The following TENM3 variants were observed in gnomAD, a reference collection of about 807,000 sequenced individuals.
TENM3 encodes the protein teneurin transmembrane protein 3, also known as teneurin-3.
Under a neutral mutation model 255.1 loss-of-function variants are expected in TENM3, and 63 were observed. The observed-to-expected ratio is 0.25, with a 90% CI of 0.20 to 0.30. The LOEUF is 0.30. TENM3 is among the 10% of genes least tolerant of loss of function. The probability of loss-of-function intolerance (pLI) is 1.00; values close to 1 mark genes in which losing one functional copy is unlikely to be tolerated. For synonymous variants in TENM3, 1,306 were observed against 1,322.3 expected (o/e 0.99, Z 0.27); for missense variants, 2,929 against 3,461.1 (o/e 0.85, Z 3.86).
At chr4:181,782,628 T>C in the TENM3 span, among the ~76,000 whole-genome samples, 1 of 152,202 alleles carries the variant, frequency 6.6e-6, no homozygotes, top group African/African-American at 2.4e-5. Flanking sequence ...CCTTCAGTTC[T>C]TCTCTGATCT....
the TENM3 span, among the ~76,000 whole-genome samples, chr4:181,966,405 C>G: frequency 6.6e-6 from 1 of 152,188 alleles, no homozygotes; most frequent in African/African-American, 2.4e-5. Flanking sequence ...TCTCCAAGCT[C>G]TCTGCAGATT....
intron 3 of TENM3, among the ~76,000 whole-genome samples, chr4:182,470,190 T>C (rs1161507837): frequency 2.0e-5 from 3 of 152,206 alleles, no homozygotes; most frequent in Non-Finnish European, 2.9e-5. Context: ...ATTTATTAAC[T>C]AGTGAAAATA....
chr4:182,028,258 T>C, the TENM3 span, among the ~76,000 whole-genome samples: 10 of 152,152 alleles, frequency 6.6e-5, no homozygotes, highest in Admixed American at 3.3e-4. Context: ...TATTGGTATA[T>C]ACTTGCTCAT....
At chr4:181,474,560 G>A in the TENM3 span, among the ~76,000 whole-genome samples, 2 of 151,568 alleles carry the variant, frequency 1.3e-5, no homozygotes, top group African/African-American at 4.8e-5. Context: ...ATAGTGAAAC[G>A]CCATCTCTAC....
chr4:181,989,246 A>T, the TENM3 span, among the ~76,000 whole-genome samples: 1 of 152,106 alleles, frequency 6.6e-6, no homozygotes, highest in East Asian at 1.9e-4. Flanking sequence ...TCACAAGGAC[A>T]GACACTAGAA....
At chr4:181,911,471 T>C in the TENM3 span, among the ~76,000 whole-genome samples, 3 of 152,200 alleles carry the variant, frequency 2.0e-5, no homozygotes, top group African/African-American at 7.2e-5. Flanking sequence ...AGAAAGATAT[T>C]CGTGTTGATG....
At chr4:182,652,030 C>T (rs1006237551) in intron 5 of TENM3, among the ~76,000 whole-genome samples, 7 of 152,276 alleles carry the variant, frequency 4.6e-5, no homozygotes, top group African/African-American at 9.6e-5. Context: ...CTTAGCCTTA[C>T]GCATTTGTTT....
At chr4:182,345,746 A>G (rs1480656392) in intron 2 of TENM3, among the ~76,000 whole-genome samples, 1 of 152,150 alleles carries the variant, frequency 6.6e-6, no homozygotes, top group Admixed American at 6.5e-5. Flanking sequence ...CCTAATTTAA[A>G]CACTTTTGCT....
At chr4:182,230,666 C>T (rs1490052458) in intron 1 of TENM3, among the ~76,000 whole-genome samples, 1 of 151,694 alleles carries the variant, frequency 6.6e-6, no homozygotes, top group Non-Finnish European at 1.5e-5. Context: ...GGGTGTCCTA[C>T]CTTCTTCAGC....
chr4:182,301,942 C>G (rs183653253), intron 1 of TENM3, among the ~76,000 whole-genome samples: 1 of 152,152 alleles, frequency 6.6e-6, no homozygotes, highest in Non-Finnish European at 1.5e-5. Flanking sequence ...CCTTGGGACA[C>G]GCTCGGGTGC....
At chr4:182,322,940 G>C (rs1041388180) in intron 1 of TENM3, among the ~76,000 whole-genome samples, 1 of 152,170 alleles carries the variant, frequency 6.6e-6, no homozygotes, top group Non-Finnish European at 1.5e-5. Flanking sequence ...ACCAAAAAGT[G>C]ATTTTAGTGG....
intron 4 of TENM3, among the ~76,000 whole-genome samples, chr4:182,620,952 G>A (rs1750066708): frequency 6.6e-6 from 1 of 152,168 alleles, no homozygotes; most frequent in Admixed American, 6.5e-5. Context: ...GGCCAAGGCG[G>A]GTGGATCCCC....
chr4:181,718,499 AG>A, the TENM3 span, among the ~76,000 whole-genome samples: 42 of 152,316 alleles, frequency 2.8e-4, no homozygotes, highest in Non-Finnish European at 5.3e-4. Flanking sequence ...AGTGGATTTT[AG>A]CCTAATTTGC....
chr4:182,600,897 CTT>C lies in TENM3; in HGVS notation c.512-5_512-4del, dbSNP rs548783934. On this transcript the variant is annotated intron_variant, in intron 3 of 27. Coordinates refer to ENST00000511685, the MANE Select transcript of TENM3 (RefSeq NM_001080477.4). ...TATATATATATAATGAGTTCTCTTT[CTT>C]TTTTTTTTTTTTTTTTTTTTTCAGA... 0.077 allele frequency: 37,326 copies of C among 485,894 alleles called. 6 individuals are homozygous for C. The highest frequency in any genetic ancestry group is 0.15 in the East Asian group (3,314 of 22,236). 30.1% of individuals were successfully genotyped at this position (485,894 alleles called of 1,614,324 possible). A position where few individuals can be genotyped will look rare whatever the true frequency, so the allele number is the denominator to read the frequency against.
chr4:181,451,361 G>T, the TENM3 span, among the ~76,000 whole-genome samples: 7 of 152,142 alleles, frequency 4.6e-5, no homozygotes, highest in Non-Finnish European at 7.3e-5. Context: ...AGGTCACACA[G>T]GGCCTTGCAG....
chr4:182,203,780 A>G (rs11132117), intron 1 of TENM3, among the ~76,000 whole-genome samples: 48,050 of 152,116 alleles, frequency 0.32, 9,311 homozygotes, highest in Non-Finnish European at 0.43. Flanking sequence ...GCACAGCCTC[A>G]CAACCCTTCT....
chr4:182,007,677 A>G, the TENM3 span, among the ~76,000 whole-genome samples: 1 of 152,088 alleles, frequency 6.6e-6, no homozygotes, highest in Non-Finnish European at 1.5e-5. Flanking sequence ...CATCTTATCC[A>G]ATTTGCCAGT....
chr4:182,551,236 A>AG (rs1423519014), intron 3 of TENM3, among the ~76,000 whole-genome samples: 1 of 151,812 alleles, frequency 6.6e-6, no homozygotes, highest in East Asian at 1.9e-4. Flanking sequence ...AAAAAAAAAA[A>AG]AAAACCTTAT....
At chr4:181,923,043 C>T in the TENM3 span, among the ~76,000 whole-genome samples, 9 of 152,032 alleles carry the variant, frequency 5.9e-5, no homozygotes, top group African/African-American at 1.9e-4. Context: ...AGTTGAGCGG[C>T]TTTGAGTGAG....
Sources: allele counts gnomAD v4.1 joint callset (sites outside exome capture counted in the v4.1 genomes callset), GRCh38; gene constraint gnomAD v4.1.1; transcripts MANE v1.5; gene names NCBI Gene and HGNC (gene_info 2026-07-23, HGNC 2026-07-21).